TBC1D5: variants seen among roughly 807,000 people sequenced by gnomAD.
TBC1D5 encodes TBC1 domain family, member 5.
Under a neutral mutation model 100.3 loss-of-function variants are expected in TBC1D5, and 75 were observed. The ratio of observed to expected loss-of-function variants is 0.75; its 90% confidence interval spans 0.62 to 0.91. The LOEUF is 0.91. TBC1D5 is among the 40% of genes least tolerant of loss of function. The pLI is 0.00. For missense variants in TBC1D5, 910 were observed against 942.4 expected (o/e 0.97, Z 0.45); for synonymous variants, 323 against 325.6 (o/e 0.99, Z 0.09).
At chr3:17,422,346 G>GTTT (rs200102244) in intron 4 of TBC1D5, among the ~76,000 whole-genome samples, 1 of 147,124 alleles carries the variant, frequency 6.8e-6, no homozygotes. Flanking sequence ...TTTGTTTTTT[G>GTTT]TTTTTTTGTT....
intron 1 of TBC1D5, chr3:17,706,015 A>G: frequency 6.6e-7 from 1 of 1,516,206 alleles, no homozygotes; most frequent in Non-Finnish European, 8.9e-7. Flanking sequence ...TCTTGCTGTC[A>G]CCCAGCCTGG....
At chr3:17,612,888 CTTTT>C (rs1236647091) in intron 2 of TBC1D5, among the ~76,000 whole-genome samples, 4 of 131,878 alleles carry the variant, frequency 3.0e-5, no homozygotes, top group African/African-American at 1.1e-4. Flanking sequence ...GCCCCCTTTT[CTTTT>C]TTTTTTTTTT....
chr3:17,233,833 T>C (rs1229268281), intron 17 of TBC1D5, 83 bp from the exon 18 acceptor site: 1 of 756,412 alleles, frequency 1.3e-6, no homozygotes, highest in Non-Finnish European at 2.1e-6. Flanking sequence ...AATGTTCTAA[T>C]ACTTTAATCA....
At chr3:17,428,791 T>C (rs1264096087) in intron 3 of TBC1D5, among the ~76,000 whole-genome samples, 3 of 151,942 alleles carry the variant, frequency 2.0e-5, no homozygotes, top group East Asian at 3.9e-4. Flanking sequence ...TTTCTTCTTA[T>C]GAATTACAGA....
chr3:17,299,858 CAAAAAAA>C (rs10590475), intron 14 of TBC1D5, among the ~76,000 whole-genome samples: 7 of 48,590 alleles, frequency 1.4e-4, no homozygotes, highest in Non-Finnish European at 2.5e-4. Context: ...GACTCCGTCT[CAAAAAAA>C]AAAAAAAAAA....
At chr3:17,184,803 A>G (rs1004708537) in intron 19 of TBC1D5, 1 of 165,396 alleles carries the variant, frequency 6.0e-6, no homozygotes, top group Non-Finnish European at 1.3e-5. Flanking sequence ...TTGGCTTTCC[A>G]CAGTGCTGGG....
chr3:17,178,574 T>C (rs1339800400), intron 19 of TBC1D5, among the ~76,000 whole-genome samples: 1 of 152,216 alleles, frequency 6.6e-6, no homozygotes, highest in East Asian at 1.9e-4. Context: ...ATTTTTAGTT[T>C]TTAGGAACCT....
intron 1 of TBC1D5, among the ~76,000 whole-genome samples, chr3:17,726,507 T>G (rs928846876): frequency 1.1e-4 from 16 of 152,256 alleles, no homozygotes; most frequent in Admixed American, 7.8e-4. Flanking sequence ...CATATGTATG[T>G]CTTCTTTTGA....
intron 17 of TBC1D5, among the ~76,000 whole-genome samples, chr3:17,219,075 G>C (rs192961802): frequency 6.6e-6 from 1 of 150,776 alleles, no homozygotes; most frequent in East Asian, 1.9e-4. Context: ...GCAGGTCCTT[G>C]AGGCTCTTTT....
At chr3:17,704,359 C>G (rs1012431157) in intron 1 of TBC1D5, among the ~76,000 whole-genome samples, 2 of 152,006 alleles carry the variant, frequency 1.3e-5, no homozygotes, top group Non-Finnish European at 2.9e-5. Context: ...ATTTCTCAAT[C>G]CCTTCCCCAC....
intron 2 of TBC1D5, among the ~76,000 whole-genome samples, chr3:17,617,401 T>G (rs1044188398): frequency 1.3e-5 from 2 of 152,218 alleles, no homozygotes; most frequent in African/African-American, 4.8e-5. Flanking sequence ...AGGAGTATCT[T>G]TGTGGTGTTC....
At chr3:17,276,099 G>GA (rs1418954056) in intron 15 of TBC1D5, among the ~76,000 whole-genome samples, 1 of 152,160 alleles carries the variant, frequency 6.6e-6, no homozygotes, top group East Asian at 1.9e-4. Flanking sequence ...CTTATAAACA[G>GA]AACAAATTTA....
chr3:17,573,168 G>A (rs958654786), intron 2 of TBC1D5, among the ~76,000 whole-genome samples: 12 of 151,996 alleles, frequency 7.9e-5, no homozygotes, highest in Non-Finnish European at 1.8e-4. Context: ...GTATTCTCTT[G>A]TAGGGATGGC....
chr3:17,208,436 G>C (rs1239125789), intron 18 of TBC1D5, among the ~76,000 whole-genome samples: 1 of 152,258 alleles, frequency 6.6e-6, no homozygotes, highest in East Asian at 1.9e-4. Flanking sequence ...AGATCATAGG[G>C]ACAAGGAGGC....
At chr3:17,528,096 G>A (rs764386768) in intron 2 of TBC1D5, among the ~76,000 whole-genome samples, 1 of 152,046 alleles carries the variant, frequency 6.6e-6, no homozygotes. Context: ...GTCTCACCCT[G>A]TCGCCCAGGC....
intron 15 of TBC1D5, among the ~76,000 whole-genome samples, chr3:17,280,129 C>T (rs928242267): frequency 1.4e-4 from 22 of 152,226 alleles, no homozygotes; most frequent in African/African-American, 4.1e-4. Context: ...TATAATGTCA[C>T]GGAAAGACAG....
At chr3:17,275,927 G>T (rs773587087) in intron 15 of TBC1D5, among the ~76,000 whole-genome samples, 23 of 152,178 alleles carry the variant, frequency 1.5e-4, no homozygotes, top group Non-Finnish European at 3.1e-4. Flanking sequence ...GGAGATCTAT[G>T]ATTCTGATTG....
At chr3:17,183,686 G>A (rs2068701450) in intron 19 of TBC1D5, among the ~76,000 whole-genome samples, 2 of 152,320 alleles carry the variant, frequency 1.3e-5, no homozygotes, top group South Asian at 4.1e-4. Flanking sequence ...ATAAGACACT[G>A]TCAGGCAGCC....
chr3:17,522,047 G>A (rs947858637), intron 2 of TBC1D5, among the ~76,000 whole-genome samples: 1 of 151,902 alleles, frequency 6.6e-6, no homozygotes, highest in East Asian at 1.9e-4. Context: ...ATCATTTACA[G>A]AGGCAAGAAA....
Sources: gnomAD v4.1 joint callset for allele counts (sites outside exome capture counted in the v4.1 genomes callset) on GRCh38, gnomAD v4.1.1 for gene constraint, MANE v1.5 for transcripts, NCBI Gene and HGNC (gene_info 2026-07-23, HGNC 2026-07-21) for gene names.